Variants in CYTH3 observed in about 807,000 individuals in gnomAD.
CYTH3 encodes cytohesin-3.
CYTH3 carries 23 observed loss-of-function variants against 55.1 expected under a neutral mutation model. That is an observed-to-expected ratio of 0.42 (90% CI 0.30 to 0.59). The LOEUF (loss-of-function observed/expected upper bound fraction) is 0.59. Among genes scored for constraint, CYTH3 ranks in the 20% least tolerant of loss-of-function variants. The pLI is 0.20. For missense variants in CYTH3, 413 were observed against 524.8 expected (o/e 0.79, Z 2.08); for synonymous variants, 249 against 194.9 (o/e 1.28, Z -2.31).
In CYTH3 at chr7:6,259,772, T is replaced by TATATATATAATATATA. The variant is rs1491219669; in HGVS notation, c.34+12701_34+12702insTATATATTATATATAT. Among the ~76,000 whole-genome samples, 7 of 30,502 alleles carry TATATATATAATATATA rather than the reference T, an allele frequency of 2.3e-4. 1 individual carries two copies. Among genetic ancestry groups the TATATATATAATATATA allele is most frequent in the African/African-American group, 1.2e-3 (4 of 3,214 alleles). The allele number at this position is 30,502 out of a possible 152,430, so 20.0% of individuals were successfully genotyped here. The stretch of plus-strand genomic sequence containing the variant: ...TATATATATATTATATATATATATA[T>TATATATATAATATATA]TATATATATATAATATATATATATA... On this transcript the variant is annotated intron_variant, in intron 1 of 12. Transcript: ENST00000350796.
chr7:6,256,870 C>A (rs1021852482), intron 1 of CYTH3, among the ~76,000 whole-genome samples: 1 of 152,132 alleles, frequency 6.6e-6, no homozygotes, highest in African/African-American at 2.4e-5. Context: ...GTGAAGCTGG[C>A]GGGACAACGT....
At chr7:6,192,107 A>G (rs1302916393) in intron 1 of CYTH3, among the ~76,000 whole-genome samples, 2 of 152,230 alleles carry the variant, frequency 1.3e-5, no homozygotes, top group Non-Finnish European at 2.9e-5. Context: ...AAAAAAAATT[A>G]ATAAATAAAA....
intron 2 of CYTH3, among the ~76,000 whole-genome samples, chr7:6,189,924 T>C (rs768853009): frequency 6.6e-6 from 1 of 151,934 alleles, no homozygotes; most frequent in Non-Finnish European, 1.5e-5. Flanking sequence ...TAATCTCAGA[T>C]ACTCAGGAGA....
At chr7:6,176,583 G>A (rs1783357859) in intron 5 of CYTH3, among the ~76,000 whole-genome samples, 1 of 152,040 alleles carries the variant, frequency 6.6e-6, no homozygotes, top group Admixed American at 6.5e-5. Flanking sequence ...TATATTAATT[G>A]TATATCATGC....
At chr7:6,215,020 TAC>T (rs1784394751) in intron 1 of CYTH3, among the ~76,000 whole-genome samples, 1 of 152,138 alleles carries the variant, frequency 6.6e-6, no homozygotes, top group Non-Finnish European at 1.5e-5. Context: ...TACACAAAAC[TAC>T]AGAGTTATTT....
chr7:6,241,907 C>T (rs1277653440), intron 1 of CYTH3, among the ~76,000 whole-genome samples: 1 of 152,140 alleles, frequency 6.6e-6, no homozygotes, highest in Non-Finnish European at 1.5e-5. Flanking sequence ...TAAGAATTTA[C>T]ATTTTTATTA....
chr7:6,172,818 G>C, intron 6 of CYTH3: 1 of 1,282,518 alleles, frequency 7.8e-7, no homozygotes, highest in Non-Finnish European at 1.0e-6. Context: ...TATATGTTGC[G>C]AACTCTCAGC....
chr7:6,185,485 A>G (rs974941230), intron 4 of CYTH3, among the ~76,000 whole-genome samples: 2 of 152,148 alleles, frequency 1.3e-5, no homozygotes, highest in African/African-American at 4.8e-5. Context: ...TCACAAGGTC[A>G]GGAGATCGAG....
At chr7:6,254,669 C>T (rs1175309490) in intron 1 of CYTH3, among the ~76,000 whole-genome samples, 1 of 152,204 alleles carries the variant, frequency 6.6e-6, no homozygotes, top group African/African-American at 2.4e-5. Flanking sequence ...AGGCTGGTCT[C>T]GAACTCCTGA....
intron 9 of CYTH3, among the ~76,000 whole-genome samples, chr7:6,168,964 C>T (rs1353977410): frequency 6.6e-6 from 1 of 151,782 alleles, no homozygotes; most frequent in South Asian, 2.1e-4. Context: ...CGGTTACATT[C>T]CCCCCCACCG....
At chr7:6,217,741 T>C (rs944002078) in intron 1 of CYTH3, among the ~76,000 whole-genome samples, 10 of 152,210 alleles carry the variant, frequency 6.6e-5, no homozygotes, top group Admixed American at 4.6e-4. Flanking sequence ...ATAATATTCA[T>C]GTTTTTCAAG....
At chr7:6,266,359 A>G (rs1316901247) in intron 1 of CYTH3, among the ~76,000 whole-genome samples, 1 of 152,216 alleles carries the variant, frequency 6.6e-6, no homozygotes, top group Non-Finnish European at 1.5e-5. Context: ...GAAAATAGCA[A>G]TATGATGAAG....
At chr7:6,191,374 T>C (rs1783799972) in intron 1 of CYTH3, among the ~76,000 whole-genome samples, 1 of 152,134 alleles carries the variant, frequency 6.6e-6, no homozygotes, top group South Asian at 2.1e-4. Flanking sequence ...ACAGCAGAGC[T>C]GACACTCAGC....
chr7:6,170,680 A>G lies in CYTH3; in HGVS notation c.712-34T>C. On this transcript the variant is annotated intron_variant, in intron 8 of 12. Coordinates refer to ENST00000350796, the MANE Select transcript of CYTH3 (RefSeq NM_004227.4). The surrounding 1 kb of genome is among the most constrained non-coding windows in gnomAD (Gnocchi z 7.8). ...AGGGAAAACAGCAGCCAGTTCAGAG[A>G]CTCGGAGGAAAATGGCTGGCCGGGC... The G allele has an allele frequency of 6.2e-7, 1 of 1,600,634 alleles. No homozygotes were observed. Among genetic ancestry groups the G allele is most frequent in the Non-Finnish European group, 8.5e-7 (1 of 1,172,524 alleles).
intron 1 of CYTH3, among the ~76,000 whole-genome samples, chr7:6,219,072 G>A (rs1223429824): frequency 2.0e-5 from 3 of 149,350 alleles, no homozygotes; most frequent in Non-Finnish European, 3.0e-5. Flanking sequence ...AGTACAGAAA[G>A]TCTGTATCAT....
chr7:6,183,849 C>A (rs1188215700), intron 4 of CYTH3, among the ~76,000 whole-genome samples: 1 of 151,738 alleles, frequency 6.6e-6, no homozygotes, highest in East Asian at 1.9e-4. Context: ...GGGATTTGTG[C>A]CCTTATAAGA....
intron 4 of CYTH3, among the ~76,000 whole-genome samples, chr7:6,182,318 C>T (rs1290025204): frequency 2.6e-5 from 4 of 152,196 alleles, no homozygotes; most frequent in South Asian, 2.1e-4. Context: ...CCAAAGTGCT[C>T]GGATTACAGG....
At chr7:6,238,149 C>T (rs1779574941) in intron 1 of CYTH3, among the ~76,000 whole-genome samples, 1 of 152,166 alleles carries the variant, frequency 6.6e-6, no homozygotes, top group African/African-American at 2.4e-5. Flanking sequence ...AGAACTTACT[C>T]CAACCAGAAT....
intron 1 of CYTH3, among the ~76,000 whole-genome samples, chr7:6,206,489 G>C (rs925747927): frequency 6.6e-6 from 1 of 152,218 alleles, no homozygotes; most frequent in Non-Finnish European, 1.5e-5. Context: ...GGGCATATCA[G>C]AGCCTCCTGT....
Sources: allele counts gnomAD v4.1 joint callset (sites outside exome capture counted in the v4.1 genomes callset), GRCh38; gene constraint gnomAD v4.1.1; non-coding constraint Gnocchi (gnomAD v3.1); transcripts MANE v1.5; gene names NCBI Gene and HGNC (gene_info 2026-07-23, HGNC 2026-07-21).